RNF217: variants seen among roughly 807,000 people sequenced by gnomAD.
The protein encoded by RNF217 is ring finger protein 217.
A neutral mutation model predicts 57.8 loss-of-function variants in RNF217; 31 were observed. The ratio of observed to expected loss-of-function variants is 0.54; its 90% CI spans 0.40 to 0.72. The LOEUF is 0.72. Among genes scored for constraint, RNF217 ranks in the 30% least tolerant of loss-of-function variants. The pLI is 0.00. For synonymous variants in RNF217, 313 were observed against 294.0 expected (o/e 1.06, Z -0.66); for missense variants, 696 against 708.3 (o/e 0.98, Z 0.20).
intron 1 of RNF217, chr6:124,971,510 C>A: frequency 3.1e-6 from 1 of 320,044 alleles, no homozygotes; most frequent in Non-Finnish European, 6.2e-6. Context: ...GGCTGGAGTG[C>A]AGTGGCATGA....
At chr6:124,975,458 T>C in intron 1 of RNF217, among the ~76,000 whole-genome samples, 1 of 152,210 alleles carries the variant, frequency 6.6e-6, no homozygotes, top group East Asian at 1.9e-4. Flanking sequence ...TGAGACAGTG[T>C]CTCACTCTGT....
chr6:125,055,512 A>C (rs1423645439), intron 2 of RNF217, among the ~76,000 whole-genome samples: 1 of 152,210 alleles, frequency 6.6e-6, no homozygotes, highest in Non-Finnish European at 1.5e-5. Context: ...TCTTTGAGTC[A>C]TTAAATGTCT....
chr6:125,012,969 T>C (rs1159056916), intron 1 of RNF217, among the ~76,000 whole-genome samples: 1 of 152,202 alleles, frequency 6.6e-6, no homozygotes, highest in Non-Finnish European at 1.5e-5. Context: ...GTTTTTCAGA[T>C]ATAGAATATT....
chr6:125,023,112 G>T (rs1286760562), intron 1 of RNF217, among the ~76,000 whole-genome samples: 1 of 152,144 alleles, frequency 6.6e-6, no homozygotes, highest in Non-Finnish European at 1.5e-5. Flanking sequence ...TGCTACAGGA[G>T]CAAGTCTTGT....
At chr6:124,981,464 TG>T (rs1036448383) in intron 1 of RNF217, among the ~76,000 whole-genome samples, 6 of 151,966 alleles carry the variant, frequency 3.9e-5, no homozygotes, top group Non-Finnish European at 5.9e-5. Flanking sequence ...TTGGTTTGGT[TG>T]GGGGGGCGGT....
In RNF217 at chr6:125,030,208, T is replaced by G. The variant is rs184938702; in HGVS notation, c.883-15003T>G. On this transcript the variant is annotated intron_variant, in intron 1 of 5. Coordinates refer to ENST00000521654, the MANE Select transcript of RNF217 (RefSeq NM_001286398.3). ...CCCCCTGGGTCCCTCCCACAACACG[T>G]AGGAATTCTGAGAGATACAATTCAG... is the stretch of plus-strand genomic sequence containing the variant. 2.6e-3 allele frequency among the ~76,000 whole-genome samples: 390 copies of G among 152,238 alleles called. 1 individual carries two copies. Among genetic ancestry groups the G allele is most frequent in the African/African-American group, 8.8e-3 (365 of 41,538 alleles).
chr6:125,003,883 A>G (rs1785074465), intron 1 of RNF217, among the ~76,000 whole-genome samples: 1 of 152,108 alleles, frequency 6.6e-6, no homozygotes, highest in Non-Finnish European at 1.5e-5. Flanking sequence ...TGAAGGAGAA[A>G]TTGAGGTTCA....
chr6:125,071,482 ATATGTGTGTG>A lies in RNF217; in HGVS notation c.1282-5173_1282-5164del, dbSNP rs1206057110. On this transcript the variant is annotated intron_variant, in intron 3 of 5. Transcript: ENST00000521654. ...TTTTCAACTTGGAGCATCTGCCTACATATGTGTGTGTGTGTGTGTGTGTGTGTGTGTGTGT... is the reference window on the plus strand; with the variant it reads ...TTTTCAACTTGGAGCATCTGCCTACATGTGTGTGTGTGTGTGTGTGTGTGT... Among the ~76,000 whole-genome samples the A allele has an allele frequency of 5.6e-3, 685 of 122,366 alleles. 9 individuals carry two copies. Among genetic ancestry groups the A allele is most frequent in the African/African-American group, 0.019 (637 of 33,272 alleles). 80.3% of individuals were successfully genotyped at this position (122,366 alleles called of 152,430 possible). A position where few individuals can be genotyped will look rare whatever the true frequency, so the allele number is the denominator to read the frequency against.
intron 3 of RNF217, among the ~76,000 whole-genome samples, chr6:125,075,132 A>G (rs994741152): frequency 6.6e-6 from 1 of 152,172 alleles, no homozygotes; most frequent in Non-Finnish European, 1.5e-5. Context: ...CTTTCTTAAA[A>G]CATTATGAGA....
At chr6:125,010,049 C>T (rs1025246338) in intron 1 of RNF217, among the ~76,000 whole-genome samples, 1 of 149,158 alleles carries the variant, frequency 6.7e-6, no homozygotes, top group Non-Finnish European at 1.5e-5. Flanking sequence ...ATTTGGCTTC[C>T]ACAGAGAAAA....
At chr6:125,015,450 A>G (rs1785565362) in intron 1 of RNF217, among the ~76,000 whole-genome samples, 1 of 152,120 alleles carries the variant, frequency 6.6e-6, no homozygotes, top group South Asian at 2.1e-4. Flanking sequence ...GAAAACATGG[A>G]AAACTCTAAA....
chr6:125,050,422 ACT>A (rs1244421280), intron 2 of RNF217, among the ~76,000 whole-genome samples: 2 of 150,834 alleles, frequency 1.3e-5, no homozygotes, highest in Non-Finnish European at 3.0e-5. Context: ...CCCTGGAGAA[ACT>A]CTGTCTGTGT....
At chr6:125,051,592 G>A (rs1787320438) in intron 2 of RNF217, among the ~76,000 whole-genome samples, 1 of 152,018 alleles carries the variant, frequency 6.6e-6, no homozygotes, top group Admixed American at 6.6e-5. Flanking sequence ...TAAGGAACTT[G>A]TTAATAGAAT....
At position 125,086,893 on chromosome 6, in the gene RNF217, T is replaced by C. The variant is rs139135790; in HGVS notation, c.*3956T>C. ...TATCTCTTGAGTCCCAAGGCTCCAATTGAGCCTTTATCTTTCAACCTTACC... is the reference window on the plus strand; with the variant it reads ...TATCTCTTGAGTCCCAAGGCTCCAACTGAGCCTTTATCTTTCAACCTTACC... On this transcript the variant is annotated 3_prime_UTR_variant, in exon 6 of 6. Coordinates refer to ENST00000521654, the MANE Select transcript of RNF217 (RefSeq NM_001286398.3). The C allele has an allele frequency of 5.9e-5, 9 of 152,268 alleles. No homozygotes were observed. The highest frequency in any genetic ancestry group is 2.1e-4 in the South Asian group (1 of 4,824). The allele number at this position is 152,268 out of a possible 1,614,324, so 9.4% of individuals were successfully genotyped here. A position where few individuals can be genotyped will look rare whatever the true frequency, so the allele number is the denominator to read the frequency against.
At chr6:125,080,571 G>C (rs567332490) in intron 4 of RNF217, among the ~76,000 whole-genome samples, 2 of 151,932 alleles carry the variant, frequency 1.3e-5, no homozygotes, top group South Asian at 2.1e-4. Flanking sequence ...CATTTGAGTT[G>C]TGCGGCCCTG....
chr6:124,974,179 G>C (rs893647619), intron 1 of RNF217, among the ~76,000 whole-genome samples: 2 of 152,202 alleles, frequency 1.3e-5, no homozygotes, highest in African/African-American at 4.8e-5. Context: ...GATTCAAGGG[G>C]AAGGGACATT....
chr6:125,012,119 TAAAAA>T (rs1323793722), intron 1 of RNF217, among the ~76,000 whole-genome samples: 1 of 152,014 alleles, frequency 6.6e-6, no homozygotes, highest in African/African-American at 2.4e-5. Flanking sequence ...AAAAGATACT[TAAAAA>T]GAAACAATAA....
intron 1 of RNF217, among the ~76,000 whole-genome samples, chr6:124,984,558 A>G (rs111446640): frequency 4.5e-4 from 68 of 150,716 alleles, no homozygotes; most frequent in East Asian, 1.4e-3. Flanking sequence ...AAAAAAAAAA[A>G]AAAGAAAGAA....
At chr6:125,067,224 G>A (rs1413378174) in intron 3 of RNF217, among the ~76,000 whole-genome samples, 2 of 152,228 alleles carry the variant, frequency 1.3e-5, no homozygotes, top group Non-Finnish European at 2.9e-5. Flanking sequence ...CAAGGAAGTG[G>A]TGAGAGGTGG....
Sources: allele counts gnomAD v4.1 joint callset (sites outside exome capture counted in the v4.1 genomes callset), GRCh38; gene constraint gnomAD v4.1.1; transcripts MANE v1.5; gene names NCBI Gene and HGNC (gene_info 2026-07-23, HGNC 2026-07-21).